Variants in IQCK observed in about 807,000 individuals in gnomAD.
IQCK encodes the protein IQ domain-containing protein K.
IQCK carries 29 observed loss-of-function variants against 28.1 expected under a neutral mutation model. The ratio of observed to expected loss-of-function variants is 1.03; its 90% confidence interval spans 0.77 to 1.41. IQCK has a LOEUF of 1.41. IQCK is among the 40% of genes most tolerant of loss of function. The pLI, the probability that IQCK is intolerant of heterozygous loss-of-function variation, is 0.00. For missense variants in IQCK, 359 were observed against 314.7 expected (o/e 1.14, Z -1.07); for synonymous variants, 113 against 115.1 (o/e 0.98, Z 0.12).
At chr16:19,733,970 A>G (rs1977924198) in intron 3 of IQCK, 143 bp downstream of exon 3, 2 of 713,126 alleles carry the variant, frequency 2.8e-6, no homozygotes, top group Non-Finnish European at 4.5e-6. Flanking sequence ...TTTAAGAGAC[A>G]TGTCCTTTAT....
chr16:19,759,294 C>T (rs1197062125), intron 4 of IQCK, among the ~76,000 whole-genome samples: 1 of 152,084 alleles, frequency 6.6e-6, no homozygotes, highest in Admixed American at 6.6e-5. Flanking sequence ...CCGCAACCTC[C>T]GCCTCCCAGG....
chr16:19,752,666 A>G (rs1282514156), intron 4 of IQCK, among the ~76,000 whole-genome samples: 1 of 152,076 alleles, frequency 6.6e-6, no homozygotes, highest in Non-Finnish European at 1.5e-5. Flanking sequence ...AGCTCTAACG[A>G]TCCTCCCACC....
At chr16:19,815,621 C>T (rs1013521986) in intron 7 of IQCK, among the ~76,000 whole-genome samples, 7 of 152,220 alleles carry the variant, frequency 4.6e-5, no homozygotes, top group Non-Finnish European at 7.4e-5. Flanking sequence ...CAGTGAGCTG[C>T]GATTGCACCA....
chr16:19,771,445 C>T (rs1160108195), intron 6 of IQCK, among the ~76,000 whole-genome samples: 5 of 152,220 alleles, frequency 3.3e-5, no homozygotes, highest in East Asian at 3.9e-4. Context: ...CTGCCTACCA[C>T]GAAGTGTAAT....
At chr16:19,852,355 C>A (rs558000112) in intron 9 of IQCK, among the ~76,000 whole-genome samples, 4 of 152,196 alleles carry the variant, frequency 2.6e-5, no homozygotes, top group Admixed American at 2.6e-4. Context: ...GAGCTATGAT[C>A]GCACCACTGC....
intron 6 of IQCK, among the ~76,000 whole-genome samples, chr16:19,774,148 G>A (rs938073880): frequency 6.6e-6 from 1 of 152,128 alleles, no homozygotes; most frequent in Non-Finnish European, 1.5e-5. Flanking sequence ...TGGTGGTTAG[G>A]AGCTTGGAAG....
At chr16:19,738,762 G>T (rs2054793277) in intron 4 of IQCK, among the ~76,000 whole-genome samples, 1 of 152,104 alleles carries the variant, frequency 6.6e-6, no homozygotes. Flanking sequence ...AGATATTGTG[G>T]GTTACACCTG....
intron 7 of IQCK, among the ~76,000 whole-genome samples, chr16:19,821,267 G>A (rs6497408): frequency 0.21 from 32,632 of 152,148 alleles, 3,690 homozygotes; most frequent in Admixed American, 0.27. Context: ...ATGTGGTTCA[G>A]TTAGAGCCCT....
chr16:19,821,691 C>T (rs1680901903), intron 7 of IQCK, among the ~76,000 whole-genome samples: 1 of 152,044 alleles, frequency 6.6e-6, no homozygotes, highest in Non-Finnish European at 1.5e-5. Flanking sequence ...GAGACTCCGT[C>T]TCAATAAATA....
intron 4 of IQCK, among the ~76,000 whole-genome samples, chr16:19,752,055 C>G (rs910868093): frequency 6.6e-6 from 1 of 152,128 alleles, no homozygotes; most frequent in Non-Finnish European, 1.5e-5. Flanking sequence ...CATTCCTGCT[C>G]TACCGTGACC....
intron 7 of IQCK, among the ~76,000 whole-genome samples, chr16:19,807,148 C>T (rs549839731): frequency 1.3e-5 from 2 of 152,314 alleles, no homozygotes; most frequent in African/African-American, 2.4e-5. Flanking sequence ...TATGGGGGCA[C>T]CTACATGGCA....
intron 1 of IQCK, among the ~76,000 whole-genome samples, chr16:19,727,585 A>ACCC (rs10609957): frequency 8.1e-6 from 1 of 122,952 alleles, no homozygotes; most frequent in African/African-American, 2.8e-5. Flanking sequence ...AGACTTTGTC[A>ACCC]CCCCCCCCCC....
At chr16:19,748,581 T>G (rs975231311) in intron 4 of IQCK, among the ~76,000 whole-genome samples, 14 of 152,314 alleles carry the variant, frequency 9.2e-5, no homozygotes, top group African/African-American at 3.4e-4. Flanking sequence ...TTGTTAATCC[T>G]ATTAGCGTTT....
At chr16:19,779,784 C>T (rs936557542) in intron 6 of IQCK, among the ~76,000 whole-genome samples, 5 of 150,600 alleles carry the variant, frequency 3.3e-5, no homozygotes, top group African/African-American at 9.7e-5. Context: ...GTGGTGCGAT[C>T]TCGGCTCACT....
intron 4 of IQCK, among the ~76,000 whole-genome samples, chr16:19,758,859 G>GT (rs1460127146): frequency 1.3e-5 from 2 of 152,198 alleles, no homozygotes; most frequent in African/African-American, 4.8e-5. Flanking sequence ...TCCAATAAAG[G>GT]TTTCGGTAAA....
intron 4 of IQCK, among the ~76,000 whole-genome samples, chr16:19,751,191 C>A (rs970874660): frequency 6.6e-6 from 1 of 152,042 alleles, no homozygotes; most frequent in Non-Finnish European, 1.5e-5. Context: ...TGGGAGCCAT[C>A]GTTATTAAGA....
At chr16:19,782,027 G>C (rs2055492462) in intron 6 of IQCK, among the ~76,000 whole-genome samples, 1 of 151,702 alleles carries the variant, frequency 6.6e-6, no homozygotes, top group Admixed American at 6.6e-5. Flanking sequence ...TCAGTATAGA[G>C]CATTTGGGAA....
At chr16:19,773,791 C>CA (rs2055349909) in intron 6 of IQCK, among the ~76,000 whole-genome samples, 2 of 151,918 alleles carry the variant, frequency 1.3e-5, no homozygotes, top group East Asian at 3.9e-4. Flanking sequence ...CATGTAAAAG[C>CA]AAAAAAACCA....
chr16:19,731,773 G>A (rs1977848088), intron 2 of IQCK, among the ~76,000 whole-genome samples: 1 of 152,174 alleles, frequency 6.6e-6, no homozygotes, highest in Non-Finnish European at 1.5e-5. Context: ...GATTACGGAG[G>A]CTGAGAAGTC....
Sources: gnomAD v4.1 joint callset for allele counts (sites outside exome capture counted in the v4.1 genomes callset) on GRCh38, gnomAD v4.1.1 for gene constraint, MANE v1.5 for transcripts, NCBI Gene and HGNC (gene_info 2026-07-23, HGNC 2026-07-21) for gene names.